Variants in DMRT1 observed in about 807,000 individuals in gnomAD.
DMRT1 encodes the protein doublesex- and mab-3-related transcription factor 1.
In DMRT1, 7 loss-of-function variants were observed where a neutral mutation model predicts 32.3. That is an observed-to-expected ratio of 0.22 (90% CI 0.12 to 0.41). The LOEUF is 0.41. Among genes scored for constraint, DMRT1 ranks in the 10% least tolerant of loss-of-function variants. DMRT1 has a pLI of 1.00. For missense variants in DMRT1, 625 were observed against 500.5 expected, an observed-to-expected ratio of 1.25 and a Z score of -2.37; for synonymous variants, 278 against 206.1, an observed-to-expected ratio of 1.35 and a Z score of -2.99.
chr9:952,518 C>T (rs1225328330), intron 4 of DMRT1, among the ~76,000 whole-genome samples: 1 of 152,204 alleles, frequency 6.6e-6, no homozygotes, highest in Admixed American at 6.5e-5. Context: ...TTGCGCCTAA[C>T]AGTGGAAAGC....
chr9:874,179 T>C (rs1307864183), intron 2 of DMRT1, among the ~76,000 whole-genome samples: 1 of 152,244 alleles, frequency 6.6e-6, no homozygotes, highest in African/African-American at 2.4e-5. Context: ...AGGTAATGAA[T>C]GAGTCAACAA....
At chr9:864,593 G>A (rs1815883006) in intron 2 of DMRT1, among the ~76,000 whole-genome samples, 1 of 148,620 alleles carries the variant, frequency 6.7e-6, no homozygotes, top group African/African-American at 2.5e-5. Flanking sequence ...CTGTGTCCCA[G>A]GCTCATGCCA....
At chr9:848,133 C>T (rs1838983031) in intron 2 of DMRT1, among the ~76,000 whole-genome samples, 2 of 152,210 alleles carry the variant, frequency 1.3e-5, no homozygotes, top group Admixed American at 1.3e-4. Context: ...TACAGCCTAG[C>T]AGTGTGATAT....
intron 2 of DMRT1, among the ~76,000 whole-genome samples, chr9:862,613 T>C (rs1477051652): frequency 6.6e-6 from 1 of 151,932 alleles, no homozygotes; most frequent in African/African-American, 2.4e-5. Flanking sequence ...GAGAGATTGA[T>C]GGGAAGGTCG....
intron 2 of DMRT1, among the ~76,000 whole-genome samples, chr9:847,814 C>G (rs1207008640): frequency 3.3e-5 from 5 of 152,202 alleles, no homozygotes; most frequent in Non-Finnish European, 1.5e-5. Context: ...ATCGAAGCCC[C>G]TAGCCACATG....
At chr9:880,448 T>TAA (rs1215571655) in intron 2 of DMRT1, among the ~76,000 whole-genome samples, 1 of 152,110 alleles carries the variant, frequency 6.6e-6, no homozygotes, top group African/African-American at 2.4e-5. Context: ...TAGCTTGGGC[T>TAA]GGGCGTGGTG....
At chr9:902,812 A>G (rs1014668002) in intron 3 of DMRT1, among the ~76,000 whole-genome samples, 3 of 152,092 alleles carry the variant, frequency 2.0e-5, no homozygotes, top group African/African-American at 7.2e-5. Flanking sequence ...TATGACAGCC[A>G]TGGGAACACC....
chr9:876,009 C>T (rs922467573), intron 2 of DMRT1, among the ~76,000 whole-genome samples: 7 of 152,164 alleles, frequency 4.6e-5, no homozygotes, highest in Admixed American at 1.3e-4. Flanking sequence ...CGCCCCTACA[C>T]TGGGGATGCT....
intron 4 of DMRT1, among the ~76,000 whole-genome samples, chr9:933,252 T>G (rs1284873105): frequency 6.6e-6 from 1 of 152,180 alleles, no homozygotes; most frequent in African/African-American, 2.4e-5. Flanking sequence ...CTTAGGGTCT[T>G]TCGGGCGACC....
In DMRT1 at chr9:956,571, AAAAAAAC is replaced by A. The variant is rs552084997; in HGVS notation, c.968-11399_968-11393del. Among the ~76,000 whole-genome samples the A allele has an allele frequency of 4.6e-4, 58 of 125,822 alleles. No homozygotes were observed. The East Asian group carries it at 6.0e-3, about 13-fold the overall frequency. 82.5% of individuals were successfully genotyped at this position (125,822 alleles called of 152,430 possible). ...AGAGCAAGACCCTGTCTCAAAAAAA[AAAAAAAC>A]AAAAAACAAAAAACCCAAAATTTAA... On this transcript the variant is annotated intron_variant, in intron 4 of 4. Coordinates refer to ENST00000382276, the MANE Select transcript of DMRT1 (RefSeq NM_021951.3).
At chr9:963,411 A>C (rs1564279993) in intron 4 of DMRT1, among the ~76,000 whole-genome samples, 1 of 93,624 alleles carries the variant, frequency 1.1e-5, no homozygotes, top group African/African-American at 3.8e-5. Context: ...TGTTTCAACG[A>C]TCATTACTTT....
chr9:937,962 G>A (rs1467047576), intron 4 of DMRT1, among the ~76,000 whole-genome samples: 1 of 151,670 alleles, frequency 6.6e-6, no homozygotes, highest in Non-Finnish European at 1.5e-5. Flanking sequence ...TTTTTTAAGA[G>A]TTTTATAGTT....
intron 3 of DMRT1, among the ~76,000 whole-genome samples, chr9:901,155 C>T (rs1361600591): frequency 6.6e-6 from 1 of 152,138 alleles, no homozygotes; most frequent in Admixed American, 6.5e-5. Context: ...GCTGAGGCTA[C>T]AGGCATGTAC....
At chr9:883,111 T>C (rs1586561500) in intron 2 of DMRT1, among the ~76,000 whole-genome samples, 1 of 151,734 alleles carries the variant, frequency 6.6e-6, no homozygotes, top group Non-Finnish European at 1.5e-5. Context: ...CCAGATTCCA[T>C]ACGCATAGCC....
chr9:886,827 T>C (rs567307368), intron 2 of DMRT1, among the ~76,000 whole-genome samples: 2 of 152,340 alleles, frequency 1.3e-5, no homozygotes, highest in Admixed American at 1.3e-4. Flanking sequence ...GAAGCAAATA[T>C]TGCTGGCTTC....
In DMRT1 at chr9:917,058, T is replaced by A. The variant is rs1483648263; in HGVS notation, c.967+151T>A. 6 of 898,614 alleles carry A rather than the reference T, an allele frequency of 6.7e-6. No individual in the cohort carries two copies. The East Asian group carries it at 1.6e-4, about 23-fold the overall frequency. 55.7% of individuals were successfully genotyped at this position (898,614 alleles called of 1,614,324 possible). A position where few individuals can be genotyped will look rare whatever the true frequency, so the allele number is the denominator to read the frequency against. The stretch of plus-strand genomic sequence containing the variant: ...CTTGGATAAGTATCCTTTAAAGAAT[T>A]TAGTTATAAAATGACTTTGCTATGC... On this transcript the variant is annotated intron_variant, in intron 4 of 4. Coordinates refer to ENST00000382276, the MANE Select transcript of DMRT1 (RefSeq NM_021951.3).
chr9:872,422 A>C (rs937623621), intron 2 of DMRT1, among the ~76,000 whole-genome samples: 2 of 152,200 alleles, frequency 1.3e-5, no homozygotes, highest in African/African-American at 4.8e-5. Context: ...CATCACCACT[A>C]TCAAATTTTA....
intron 4 of DMRT1, among the ~76,000 whole-genome samples, chr9:919,421 G>T (rs1333608802): frequency 2.1e-5 from 3 of 146,288 alleles, no homozygotes; most frequent in East Asian, 2.2e-4. Context: ...TGTTGGGCGG[G>T]GGGAGGGGGG....
intron 4 of DMRT1, among the ~76,000 whole-genome samples, chr9:942,684 G>C (rs924126678): frequency 3.6e-4 from 54 of 152,050 alleles, no homozygotes; most frequent in African/African-American, 1.3e-3. Flanking sequence ...TTTTCTTTTT[G>C]TTTATTTTCT....
Sources: allele counts gnomAD v4.1 joint callset (sites outside exome capture counted in the v4.1 genomes callset), GRCh38; gene constraint gnomAD v4.1.1; transcripts MANE v1.5; gene names NCBI Gene and HGNC (gene_info 2026-07-23, HGNC 2026-07-21).